The following EDA variants were observed in gnomAD, a reference collection of about 807,000 sequenced individuals.
The protein encoded by EDA is ectodysplasin A, also known as ectodysplasin-A.
Under a neutral mutation model 23.6 loss-of-function variants are expected in EDA, and 2 were observed. The ratio of observed to expected loss-of-function variants is 0.08; its 90% CI spans 0.03 to 0.27. The LOEUF is 0.27. Ranked by LOEUF, EDA falls within the 10% of genes least tolerant of loss-of-function variation. The pLI is 1.00. For missense variants in EDA, 229 were observed against 324.2 expected, an observed-to-expected ratio of 0.71 and a Z score of 2.26; for synonymous variants, 131 against 132.0, an observed-to-expected ratio of 0.99 and a Z score of 0.05.
intron 1 of EDA, among the ~76,000 whole-genome samples, chrX:69,621,957 C>T (rs896152980): frequency 9.0e-6 from 1 of 111,019 alleles, no homozygotes; most frequent in Non-Finnish European, 1.9e-5. Context: ...CAGGATCTCT[C>T]TATGTTGCCC....
intron 1 of EDA, among the ~76,000 whole-genome samples, chrX:69,684,940 A>C (rs1210276331): frequency 8.9e-6 from 1 of 112,315 alleles, no homozygotes; most frequent in Non-Finnish European, 1.9e-5. Context: ...ACTGGATAAG[A>C]AGTTGGAGCT....
chrX:69,869,503 G>A (rs1223389651), intron 1 of EDA, among the ~76,000 whole-genome samples: 1 of 111,444 alleles, frequency 9.0e-6, no homozygotes, highest in Non-Finnish European at 1.9e-5. Flanking sequence ...CTTCCTCAAG[G>A]GGACCCAGCC....
chrX:69,916,396 C>CTTTTTTTTT (rs782071176), intron 1 of EDA, among the ~76,000 whole-genome samples: 6 of 58,144 alleles, frequency 1.0e-4, no homozygotes, highest in Admixed American at 2.3e-4. Context: ...CTCTACTGTT[C>CTTTTTTTTT]TTTTTTTTTT....
intron 1 of EDA, among the ~76,000 whole-genome samples, chrX:69,680,751 CTGATGGGTCTTGACTCTTTATCCAATT>C (rs1326548620): frequency 3.1e-5 from 3 of 95,247 alleles, no homozygotes; most frequent in African/African-American, 1.2e-4. Context: ...ATACAGCAAA[CTGATGGGTCTTGACTCTTTATCCAATT>C]TGCCAGTCTG....
At chrX:69,725,050 T>C (rs1043790573) in intron 1 of EDA, among the ~76,000 whole-genome samples, 2 of 112,365 alleles carry the variant, frequency 1.8e-5, no homozygotes, top group South Asian at 3.7e-4. Flanking sequence ...TTGTATGCAT[T>C]ATAATGCTGC....
chrX:69,825,501 A>T (rs2016395037), intron 1 of EDA, among the ~76,000 whole-genome samples: 1 of 111,448 alleles, frequency 9.0e-6, no homozygotes, highest in Non-Finnish European at 1.9e-5. Context: ...TGTTTGTAGT[A>T]TTCTCTGATG....
chrX:69,637,797 AACT>A (rs749702689), intron 1 of EDA, among the ~76,000 whole-genome samples: 3 of 110,982 alleles, frequency 2.7e-5, no homozygotes, highest in African/African-American at 9.8e-5. Context: ...ACTAAATGTT[AACT>A]ACTACTACTA....
intron 1 of EDA, among the ~76,000 whole-genome samples, chrX:69,681,361 G>A (rs1472533671): frequency 9.1e-6 from 1 of 109,919 alleles, no homozygotes; most frequent in Non-Finnish European, 1.9e-5. Flanking sequence ...GAATCTGAAC[G>A]TTGGCCTGCT....
intron 1 of EDA, among the ~76,000 whole-genome samples, chrX:69,911,814 T>G (rs756598979): frequency 8.9e-6 from 1 of 112,474 alleles, no homozygotes; most frequent in Non-Finnish European, 1.9e-5. Flanking sequence ...CATAATCTTT[T>G]TGCTGGTGAA....
intron 1 of EDA, among the ~76,000 whole-genome samples, chrX:69,825,827 T>C (rs936427099): frequency 1.8e-5 from 2 of 111,430 alleles, no homozygotes; most frequent in African/African-American, 3.3e-5. Flanking sequence ...CTTTCTCTTG[T>C]GGGCATTTAG....
intron 1 of EDA, among the ~76,000 whole-genome samples, chrX:69,697,001 T>C (rs1173975057): frequency 8.9e-6 from 1 of 111,898 alleles, no homozygotes; most frequent in Non-Finnish European, 1.9e-5. Flanking sequence ...AATAGGTGAG[T>C]ACAATATAAT....
At chrX:69,956,271 TTTTCTTTC>T (rs533655797) in intron 1 of EDA, among the ~76,000 whole-genome samples, 34,277 of 81,362 alleles carry the variant, frequency 0.42, 5,287 homozygotes, top group Middle Eastern at 0.51. Flanking sequence ...AAATTCAAGG[TTTTCTTTC>T]TTTCTTTCTT....
intron 1 of EDA, among the ~76,000 whole-genome samples, chrX:69,738,707 A>C (rs1472128116): frequency 9.2e-6 from 1 of 108,432 alleles, no homozygotes; most frequent in Non-Finnish European, 1.9e-5. Context: ...ATTCATCTCA[A>C]AATATTTTCT....
intron 1 of EDA, among the ~76,000 whole-genome samples, chrX:69,866,745 C>T (rs1242962273): frequency 1.8e-5 from 2 of 111,951 alleles, no homozygotes; most frequent in African/African-American, 3.2e-5. Context: ...GCCATTCCAC[C>T]GTTCTGTCAA....
At position 69,735,103 on chromosome X, in the gene EDA, CAA is replaced by C. The variant is rs758976595; in HGVS notation, c.396+118400_396+118401del. 2.1e-4 allele frequency among the ~76,000 whole-genome samples: 23 copies of C among 111,564 alleles called. No homozygotes were observed. In the East Asian group the frequency reaches 5.7e-3, roughly 27 times the overall value. On this transcript the variant is annotated intron_variant, in intron 1 of 7. Transcript: ENST00000374552. Reference sequence around the variant, plus strand: ...TCATACCGGCATTATTTACAATAGTCAAGAGGTGAAAACAACCCAAGTGTTCA... The same window carrying C: ...TCATACCGGCATTATTTACAATAGTCGAGGTGAAAACAACCCAAGTGTTCA...
chrX:69,679,598 G>T (rs1192082304), intron 1 of EDA, among the ~76,000 whole-genome samples: 3 of 111,742 alleles, frequency 2.7e-5, no homozygotes, highest in Non-Finnish European at 3.8e-5. Flanking sequence ...ATTTTCTAGT[G>T]TATTTGTGTA....
intron 2 of EDA, among the ~76,000 whole-genome samples, chrX:69,964,419 A>G (rs1370362483): frequency 8.9e-6 from 1 of 111,755 alleles, no homozygotes; most frequent in Non-Finnish European, 1.9e-5. Flanking sequence ...ATGTATTAGG[A>G]TAAGAAAAGA....
chrX:69,943,229 T>C (rs2018787162), intron 1 of EDA, among the ~76,000 whole-genome samples: 2 of 111,514 alleles, frequency 1.8e-5, no homozygotes, highest in Non-Finnish European at 3.8e-5. Flanking sequence ...GTCTTGATGC[T>C]TGTGGATATT....
chrX:69,830,134 A>C (rs889456135), intron 1 of EDA, among the ~76,000 whole-genome samples: 2 of 110,472 alleles, frequency 1.8e-5, no homozygotes, highest in African/African-American at 3.3e-5. Context: ...TTCCCCATGC[A>C]TTTTTTCTAT....
Sources: allele counts gnomAD v4.1 joint callset (sites outside exome capture counted in the v4.1 genomes callset), GRCh38; gene constraint gnomAD v4.1.1; transcripts MANE v1.5; gene names NCBI Gene and HGNC (gene_info 2026-07-23, HGNC 2026-07-21).